Variants in TCF25 observed in about 807,000 individuals in gnomAD.
TCF25 encodes ribosome quality control complex subunit TCF25.
In TCF25, 41 loss-of-function variants were observed where a neutral mutation model predicts 83.1. The observed-to-expected ratio is 0.49, with a 90% CI of 0.38 to 0.64. The LOEUF (loss-of-function observed/expected upper bound fraction) is 0.64. Ranked by LOEUF, TCF25 falls within the 30% of genes least tolerant of loss-of-function variation. The pLI, the probability that TCF25 is intolerant of heterozygous loss-of-function variation, is 0.00. For missense variants in TCF25, 979 were observed against 914.5 expected, an observed-to-expected ratio of 1.07 and a Z score of -0.91; for synonymous variants, 458 against 365.0, an observed-to-expected ratio of 1.25 and a Z score of -2.90.
chr16:89,905,463 T>C (rs2044698113), intron 14 of TCF25, among the ~76,000 whole-genome samples: 1 of 152,238 alleles, frequency 6.6e-6, no homozygotes, highest in Admixed American at 6.5e-5. Flanking sequence ...CTGTCCTGTG[T>C]GTGAACACTT....
chr16:89,876,341 A>G (rs553979533), intron 1 of TCF25, among the ~76,000 whole-genome samples: 3 of 152,370 alleles, frequency 2.0e-5, no homozygotes, highest in South Asian at 2.1e-4. Context: ...CTTAATAAAC[A>G]GAAGTATGGG....
Position 89,904,152 on chromosome 16 carries a change from G to A in TCF25, c.1416G>A (p.Arg472=). 6.2e-7 allele frequency: 1 copy of A among 1,606,068 alleles called. No homozygotes were observed. Among genetic ancestry groups the A allele is most frequent in the Admixed American group, 1.7e-5 (1 of 59,130 alleles). ...LLPLLESCSV[R]PDASVSSHRF... Reference sequence around the variant, plus strand: ...CCCTGCTCGAGTCTTGCAGTGTGCGGCCCGACGCCAGCGTTTCCAGTCACC... The same window carrying A: ...CCCTGCTCGAGTCTTGCAGTGTGCGACCCGACGCCAGCGTTTCCAGTCACC... The change falls in exon 13 of 18, where the codon CGG becomes CGA. Residue 472 remains arginine, a synonymous_variant. Coordinates refer to ENST00000263346, the MANE Select transcript of TCF25 (RefSeq NM_014972.3).
chr16:89,884,774 G>A, intron 3 of TCF25, 118 bp downstream of exon 3: 3 of 870,540 alleles, frequency 3.4e-6, no homozygotes, highest in Non-Finnish European at 5.0e-6. Flanking sequence ...CTCTCCCTCT[G>A]CCTGACGCCC....
At chr16:89,908,623 CCAG>C (rs2045239654) in intron 16 of TCF25, among the ~76,000 whole-genome samples, 3 of 125,854 alleles carry the variant, frequency 2.4e-5, no homozygotes, top group Non-Finnish European at 3.5e-5. Flanking sequence ...CTCCCACCTC[CCAG>C]CTCCCACCTC....
chr16:89,905,736 C>T (rs1057319750), intron 14 of TCF25, among the ~76,000 whole-genome samples: 15 of 152,300 alleles, frequency 9.8e-5, no homozygotes, highest in East Asian at 3.9e-4. Flanking sequence ...TGGGCCCGTC[C>T]GCGTGTCTGC....
rs1419076310 is a variant in TCF25, at chr16:89,900,528, A to G, written c.1222-107A>G. 1.4e-5 allele frequency: 19 copies of G among 1,326,812 alleles called. No homozygotes were observed. In the Admixed American group the frequency reaches 3.8e-4, roughly 26 times the overall value. 82.2% of individuals were successfully genotyped at this position (1,326,812 alleles called of 1,614,324 possible). A position where few individuals can be genotyped will look rare whatever the true frequency, so the allele number is the denominator to read the frequency against. The stretch of plus-strand genomic sequence containing the variant: ...GAGGCCCTTGCGTTGCCTGCAGAAT[A>G]TACCTGCTCGGGGTAGGGCTCACTG... On this transcript the variant is annotated intron_variant, in intron 11 of 17. Transcript: ENST00000263346.
chr16:89,903,356 G>A (rs2044503996), intron 12 of TCF25, among the ~76,000 whole-genome samples: 1 of 152,238 alleles, frequency 6.6e-6, no homozygotes, highest in African/African-American at 2.4e-5. Flanking sequence ...AGCCTGCCAT[G>A]GGGTCCAGTC....
intron 16 of TCF25, chr16:89,910,044 C>T (rs888022390): frequency 2.0e-5 from 3 of 153,606 alleles, no homozygotes; most frequent in East Asian, 1.9e-4. Flanking sequence ...GTGATTATCC[C>T]TGCCGGCAGG....
chr16:89,896,227 C>A (rs75110337), intron 9 of TCF25, 144 bp downstream of exon 9: 57,536 of 667,000 alleles, frequency 0.086, 3,238 homozygotes, highest in East Asian at 0.18. Flanking sequence ...CTTCCTCTCT[C>A]TGGGCTTAAG....
At chr16:89,909,293 C>G (rs2045343892) in intron 16 of TCF25, 1 of 527,310 alleles carries the variant, frequency 1.9e-6, no homozygotes, top group African/African-American at 2.0e-5. Context: ...GGGCAAATCA[C>G]AAGGTCAAGA....
intron 5 of TCF25, chr16:89,889,902 C>G (rs898999875): frequency 1.3e-4 from 2 of 15,242 alleles, no homozygotes; most frequent in African/African-American, 2.8e-4. Flanking sequence ...GAGTCTCGCT[C>G]TGTCACCTAG....
intron 7 of TCF25, 136 bp downstream of exon 7, chr16:89,893,994 AG>A: frequency 7.5e-7 from 1 of 1,335,278 alleles, no homozygotes; most frequent in Non-Finnish European, 1.0e-6. Context: ...CAGTCTCTGC[AG>A]GGCGGTCTGG....
In TCF25 at chr16:89,893,861, G is replaced by T. The variant is rs769304625; in HGVS notation, c.828+3G>T. The stretch of plus-strand genomic sequence containing the variant: ...CTATGGAGCCGAACAACATCGTGGT[G>T]CGTGGTCCCTGCAGCCCCTGACAGG... On this transcript the variant is annotated splice_donor_region_variant and intron_variant, in intron 7 of 17. Transcript: ENST00000263346. 5.0e-5 allele frequency: 80 copies of T among 1,600,536 alleles called. No homozygotes were observed. Among genetic ancestry groups the T allele is most frequent in the Non-Finnish European group, 6.6e-5 (78 of 1,174,036 alleles).
intron 7 of TCF25, among the ~76,000 whole-genome samples, chr16:89,894,066 C>T (rs1480621639): frequency 6.6e-6 from 1 of 152,182 alleles, no homozygotes. Flanking sequence ...CATCCATACT[C>T]AGAGGAGAGG....
At position 89,897,637 on chromosome 16, in the gene TCF25, C is replaced by T. The variant is rs183307770; in HGVS notation, c.1023-920C>T. ...TATAAAATATTAATATTTCCCGACG[C>T]GAAAGAGACAGTGGGCTGTTGATGG... On this transcript the variant is annotated intron_variant, in intron 9 of 17. Transcript: ENST00000263346. 1.3e-3 allele frequency among the ~76,000 whole-genome samples: 196 copies of T among 152,246 alleles called. 3 individuals carry two copies. The highest frequency in any genetic ancestry group is 9.2e-4 in the Admixed American group (14 of 15,284).
At chr16:89,906,841 C>G (rs1008436687) in intron 15 of TCF25, among the ~76,000 whole-genome samples, 4 of 152,090 alleles carry the variant, frequency 2.6e-5, no homozygotes, top group South Asian at 2.1e-4. Context: ...TCTGACTCTC[C>G]TCAGTAGAGT....
intron 1 of TCF25, among the ~76,000 whole-genome samples, chr16:89,881,877 C>G (rs1181587685): frequency 1.3e-5 from 2 of 152,184 alleles, no homozygotes; most frequent in African/African-American, 4.8e-5. Flanking sequence ...GCCTCGGCCT[C>G]CCGAGTAGCT....
chr16:89,877,045 T>C (rs570918520), intron 1 of TCF25, among the ~76,000 whole-genome samples: 1 of 150,798 alleles, frequency 6.6e-6, no homozygotes, highest in Non-Finnish European at 1.5e-5. Flanking sequence ...GAGGTTGCAA[T>C]GAACTGAGAT....
At position 89,911,077 on chromosome 16, in the gene TCF25, C is replaced by T; in HGVS notation, c.1873-3C>T. On this transcript the variant is annotated splice_region_variant and splice_polypyrimidine_tract_variant and intron_variant, in intron 17 of 17. Coordinates refer to ENST00000263346, the MANE Select transcript of TCF25 (RefSeq NM_014972.3). ...CCTTCTCAGACATGTCCCCTTGCTG[C>T]AGGGGGAGAGGCCCGAGGAAGGAGT... The T allele has an allele frequency of 6.2e-7, 1 of 1,610,654 alleles. No homozygotes were observed. Among genetic ancestry groups the T allele is most frequent in the Non-Finnish European group, 8.5e-7 (1 of 1,179,710 alleles).
Sources: gnomAD v4.1 joint callset for allele counts (sites outside exome capture counted in the v4.1 genomes callset) on GRCh38, gnomAD v4.1.1 for gene constraint, MANE v1.5 for transcripts, NCBI Gene and HGNC (gene_info 2026-07-23, HGNC 2026-07-21) for gene names.